Variants in KLHL13 observed in about 807,000 individuals in gnomAD.
KLHL13 encodes the protein kelch like family member 13, also known as kelch-like protein 13.
In KLHL13, 10 loss-of-function variants were observed where a neutral mutation model predicts 37.1. The ratio of observed to expected loss-of-function variants is 0.27; its 90% confidence interval spans 0.17 to 0.46. KLHL13 has a LOEUF of 0.46. KLHL13 is among the 20% of genes least tolerant of loss of function. The pLI is 1.00. For synonymous variants in KLHL13, 163 were observed against 181.2 expected (o/e 0.90, Z 0.81); for missense variants, 360 against 509.3 (o/e 0.71, Z 2.82).
rs188066471 is a variant in KLHL13, at chrX:118,018,907, C to A, written c.-55-73332G>T. 7.0e-3 allele frequency among the ~76,000 whole-genome samples: 782 copies of A among 111,331 alleles called. 5 individuals are homozygous for A. The highest frequency in any genetic ancestry group is 0.015 in the Middle Eastern group (3 of 204). ...TTAAGACTTAGCTTTTATAGATATA[C>A]AAGCCTAACCTTTTTATTTCTTTCT... On this transcript the variant is annotated intron_variant, in intron 1 of 6. Coordinates refer to the KLHL13 transcript ENST00000371882.
At chrX:118,083,800 A>C (rs1256470269) in intron 1 of KLHL13, among the ~76,000 whole-genome samples, 1 of 111,934 alleles carries the variant, frequency 8.9e-6, no homozygotes, top group Non-Finnish European at 1.9e-5. Context: ...TACATAATGT[A>C]TATATGTATC....
upstream of KLHL13, among the ~76,000 whole-genome samples, chrX:117,974,367 G>C (rs1431853399): frequency 8.9e-6 from 1 of 111,764 alleles, no homozygotes; most frequent in Non-Finnish European, 1.9e-5. Flanking sequence ...AATCACTGCA[G>C]GAACAAAGCT....
intron 1 of KLHL13, among the ~76,000 whole-genome samples, chrX:117,949,045 T>G (rs970600720): frequency 3.6e-5 from 4 of 111,997 alleles, no homozygotes; most frequent in African/African-American, 1.3e-4. Context: ...ATATTTAAAA[T>G]TACCCGAACG....
chrX:118,082,207 G>T (rs1043261554), intron 1 of KLHL13, among the ~76,000 whole-genome samples: 3 of 110,585 alleles, frequency 2.7e-5, no homozygotes, highest in African/African-American at 9.9e-5. Context: ...CACAGTGGCT[G>T]TACTAATTCA....
At chrX:117,930,403 T>C (rs1398251625) in intron 2 of KLHL13, among the ~76,000 whole-genome samples, 3 of 109,881 alleles carry the variant, frequency 2.7e-5, no homozygotes, top group East Asian at 2.9e-4. Flanking sequence ...GGAAAACCTA[T>C]AGAATCTACC....
exon 1 of KLHL13, chrX:117,972,907 T>C: frequency 8.6e-7 from 1 of 1,159,484 alleles, no homozygotes; most frequent in South Asian, 2.1e-5. Context: ...TTCCACACTG[T>C]ACTGACACAG....
At position 118,055,921 on chromosome X, in the gene KLHL13, T is replaced by C. The variant is rs924971095; in HGVS notation, c.-56+60587A>G. Among the ~76,000 whole-genome samples, 6 of 111,527 alleles carry C rather than the reference T, an allele frequency of 5.4e-5. No homozygotes were observed. The East Asian group carries it at 1.7e-3, about 31-fold the overall frequency. Reference sequence around the variant, plus strand: ...GTGCTAGAAGCTCTATCCAGGGAAATTAACCAAGAAAAGGAAATGAAATTC... The same window carrying C: ...GTGCTAGAAGCTCTATCCAGGGAAACTAACCAAGAAAAGGAAATGAAATTC... On this transcript the variant is annotated intron_variant, in intron 1 of 6. Transcript: ENST00000371882.
chrX:118,053,765 TTGTGTGTGTGTGTG>T (rs774059071), intron 1 of KLHL13, among the ~76,000 whole-genome samples: 1 of 67,940 alleles, frequency 1.5e-5, no homozygotes, highest in Non-Finnish European at 2.6e-5. Context: ...CAATCTCAAT[TTGTGTGTGTGTGTG>T]TGTGTGTGTG....
At chrX:118,038,333 A>G (rs1198876819) in intron 1 of KLHL13, among the ~76,000 whole-genome samples, 1 of 112,393 alleles carries the variant, frequency 8.9e-6, no homozygotes, top group Non-Finnish European at 1.9e-5. Flanking sequence ...CTTTCATAAC[A>G]ACCAAAAATC....
At chrX:118,032,855 A>C (rs1480669400) in intron 1 of KLHL13, among the ~76,000 whole-genome samples, 1 of 111,443 alleles carries the variant, frequency 9.0e-6, no homozygotes, top group Non-Finnish European at 1.9e-5. Context: ...ACAATTTAGA[A>C]GAATGTATAA....
intron 4 of KLHL13, 78 bp downstream of exon 5, chrX:117,919,443 G>T: frequency 4.9e-6 from 4 of 812,617 alleles, no homozygotes; most frequent in Non-Finnish European, 7.3e-6. Context: ...TCACATTCCT[G>T]CACAGCAGAT....
At chrX:118,030,837 T>A (rs941411945) in intron 1 of KLHL13, among the ~76,000 whole-genome samples, 7 of 111,992 alleles carry the variant, frequency 6.3e-5, no homozygotes, top group African/African-American at 9.7e-5. Flanking sequence ...CCTCCAGAAC[T>A]GTGAGAAATA....
At chrX:117,976,554 T>C (rs1176935432), upstream of KLHL13, among the ~76,000 whole-genome samples, 7 of 111,848 alleles carry the variant, frequency 6.3e-5, no homozygotes, top group African/African-American at 2.3e-4. Flanking sequence ...TGAACAAAAA[T>C]GATTCAACAT....
intron 1 of KLHL13, among the ~76,000 whole-genome samples, chrX:118,069,380 T>C (rs1275749314): frequency 1.1e-4 from 11 of 100,880 alleles, no homozygotes; most frequent in Non-Finnish European, 2.2e-4. Flanking sequence ...CTGATGTATA[T>C]GCTTGTGTCT....
chrX:117,956,241 C>T (rs1357948423), intron 1 of KLHL13, among the ~76,000 whole-genome samples: 3 of 111,924 alleles, frequency 2.7e-5, no homozygotes, highest in African/African-American at 9.7e-5. Context: ...ACATCATTAC[C>T]TAAAATATTA....
At chrX:117,932,116 T>C (rs1391799786) in intron 2 of KLHL13, among the ~76,000 whole-genome samples, 1 of 111,592 alleles carries the variant, frequency 9.0e-6, no homozygotes, top group African/African-American at 3.3e-5. Context: ...ATACATAGTA[T>C]AATGAACAAA....
rs779913045 is a variant in KLHL13, at chrX:117,966,178, C to T, written c.98+6553G>A. On this transcript the variant is annotated intron_variant, in intron 1 of 6. Coordinates refer to ENST00000262820, the Ensembl canonical transcript of KLHL13. ...ACCCCATTGTCTCAGCCCAAAATCTCCTTCAGCAAAGTCTCCTCCTAACTT... is the reference window on the plus strand; with the variant it reads ...ACCCCATTGTCTCAGCCCAAAATCTTCTTCAGCAAAGTCTCCTCCTAACTT... Among the ~76,000 whole-genome samples, 3 of 112,033 alleles carry T rather than the reference C, an allele frequency of 2.7e-5. No homozygotes were observed. In the South Asian group the frequency reaches 1.1e-3, roughly 42 times the overall value.
chrX:118,063,255 AGAG>A (rs1382719798), intron 1 of KLHL13, among the ~76,000 whole-genome samples: 1 of 111,654 alleles, frequency 9.0e-6, no homozygotes, highest in African/African-American at 3.2e-5. Flanking sequence ...GCTGTACTTT[AGAG>A]GAGTGGAAAA....
intron 1 of KLHL13, among the ~76,000 whole-genome samples, chrX:118,080,155 T>A: frequency 9.0e-6 from 1 of 111,585 alleles, no homozygotes; most frequent in Non-Finnish European, 1.9e-5. Context: ...ATTTAAGAAC[T>A]CAAACTATAA....
Sources: gnomAD v4.1 joint callset for allele counts (sites outside exome capture counted in the v4.1 genomes callset) on GRCh38, gnomAD v4.1.1 for gene constraint, MANE v1.5 for transcripts, NCBI Gene and HGNC (gene_info 2026-07-23, HGNC 2026-07-21) for gene names.